The following NGEF variants were observed in gnomAD, a reference collection of about 807,000 sequenced individuals.
NGEF encodes neuronal guanine nucleotide exchange factor, also known as ephexin-1.
A neutral mutation model predicts 80.9 loss-of-function variants in NGEF; 31 were observed. The ratio of observed to expected loss-of-function variants is 0.38; its 90% CI spans 0.29 to 0.52. The LOEUF (loss-of-function observed/expected upper bound fraction) is 0.52, where lower values mean the gene tolerates loss of function less well. Ranked by LOEUF, NGEF falls within the 20% of genes least tolerant of loss-of-function variation. The pLI, the probability that NGEF is intolerant of heterozygous loss-of-function variation, is 0.84. For missense variants in NGEF, 709 were observed against 926.2 expected (o/e 0.77, Z 3.04); for synonymous variants, 371 against 370.2 (o/e 1.00, Z -0.03).
chr2:232,981,338 G>A (rs1049041950), intron 1 of NGEF, among the ~76,000 whole-genome samples: 1 of 151,426 alleles, frequency 6.6e-6, no homozygotes, highest in Non-Finnish European at 1.5e-5. Context: ...GCCCTTTCCC[G>A]AAAAGACCCC....
chr2:232,891,609 T>C (rs1559194402), intron 7 of NGEF, 122 bp from the exon 8 acceptor site: 5 of 1,139,952 alleles, frequency 4.4e-6, no homozygotes, highest in Non-Finnish European at 6.1e-6. Context: ...AACATGTTGA[T>C]TTCTTTCTTT....
chr2:232,928,077 C>T (rs1270925659), intron 3 of NGEF: 17 of 1,127,986 alleles, frequency 1.5e-5, no homozygotes, highest in East Asian at 4.6e-5. Flanking sequence ...GGGCGACTAG[C>T]GGGCTGCGGA....
At position 232,888,242 on chromosome 2, in the gene NGEF, G is replaced by A. The variant is rs535933415; in HGVS notation, c.1273-135C>T. 1.8e-4 allele frequency: 114 copies of A among 622,858 alleles called. 2 individuals are homozygous for A. The highest frequency in any genetic ancestry group is 1.2e-3 in the South Asian group (64 of 52,178). 38.6% of individuals were successfully genotyped at this position (622,858 alleles called of 1,614,324 possible). ...AGCATGCACACACACACACACGCAC[G>A]CACGCACACGCATACATGCATGCAC... On this transcript the variant is annotated intron_variant, in intron 8 of 14. Transcript: ENST00000264051.
At chr2:232,992,270 C>A (rs79777521) in intron 1 of NGEF, among the ~76,000 whole-genome samples, 1 of 152,098 alleles carries the variant, frequency 6.6e-6, no homozygotes, top group African/African-American at 2.4e-5. Context: ...CAAGAAAATT[C>A]TTGGCTGGGC....
intron 12 of NGEF, 90 bp downstream of exon 12, chr2:232,883,221 T>G (rs548543516): frequency 6.9e-7 from 1 of 1,455,118 alleles, no homozygotes; most frequent in African/African-American, 1.4e-5. Context: ...GTGTGGTGCC[T>G]TGTTCCACCT....
At chr2:232,916,201 C>A (rs112749181) in intron 5 of NGEF, among the ~76,000 whole-genome samples, 400 of 152,350 alleles carry the variant, frequency 2.6e-3, no homozygotes, top group African/African-American at 9.0e-3. Context: ...TGAGAGGGCA[C>A]ATAAGCCCTT....
chr2:232,907,482 G>C (rs186831591), intron 5 of NGEF, among the ~76,000 whole-genome samples: 1 of 152,046 alleles, frequency 6.6e-6, no homozygotes. Flanking sequence ...GTTTTGTGTC[G>C]GTTACCAGAT....
At chr2:232,881,006 AG>A (rs1485295978) in intron 14 of NGEF, 139 bp downstream of exon 14, 1 of 679,168 alleles carries the variant, frequency 1.5e-6, no homozygotes, top group African/African-American at 1.8e-5. Context: ...GCAGTGTCCA[AG>A]CAGAATGTCT....
chr2:232,898,972 A>G (rs1412248000), intron 5 of NGEF, among the ~76,000 whole-genome samples: 7 of 148,900 alleles, frequency 4.7e-5, no homozygotes, highest in African/African-American at 7.7e-5. Flanking sequence ...GTGTGAATGC[A>G]TGTGTGTGTG....
intron 3 of NGEF, among the ~76,000 whole-genome samples, chr2:232,964,927 A>G (rs934357157): frequency 6.6e-6 from 1 of 152,178 alleles, no homozygotes; most frequent in African/African-American, 2.4e-5. Flanking sequence ...GGGGCAATGG[A>G]AATGTTCTAT....
At chr2:232,905,351 G>T (rs1171944730) in intron 5 of NGEF, among the ~76,000 whole-genome samples, 1 of 152,236 alleles carries the variant, frequency 6.6e-6, no homozygotes, top group East Asian at 1.9e-4. Context: ...TGATCCGCCA[G>T]CCTCGGCCTC....
At chr2:232,896,898 G>A (rs1692107032) in intron 5 of NGEF, among the ~76,000 whole-genome samples, 2 of 126,966 alleles carry the variant, frequency 1.6e-5, no homozygotes, top group East Asian at 4.9e-4. Context: ...GTGTGAGGGT[G>A]GGGGTAAGGG....
chr2:232,879,478 C>T lies in NGEF; in HGVS notation c.*11G>A. 8 of 1,601,262 alleles carry T rather than the reference C, an allele frequency of 5.0e-6. No homozygotes were observed. The highest frequency in any genetic ancestry group is 6.8e-6 in the Non-Finnish European group (8 of 1,170,334). ...TGCAGGCCCTGCTCCCGCTGGCCCCCTGGGTGGGGGTCATTGCCGATTCCG... is the reference window on the plus strand; with the variant it reads ...TGCAGGCCCTGCTCCCGCTGGCCCCTTGGGTGGGGGTCATTGCCGATTCCG... On this transcript the variant is annotated 3_prime_UTR_variant, in exon 15 of 15. Coordinates refer to ENST00000264051, the MANE Select transcript of NGEF (RefSeq NM_019850.3).
rs1691879513 is a variant in NGEF, at chr2:232,891,364, C to A, written c.1266G>T (p.Leu422Phe). The change falls in exon 8 of 15, where the codon TTG becomes TTT. Residue 422 changes from leucine to phenylalanine, a missense_variant. Physicochemically the swap from Leu to Phe is conservative, Grantham distance 22. Transcript: ENST00000264051. ...PFQRITRLKL[L>F]VQNILKRVEE... ...CAGGTGGAGGAGGCTGTACCTGGACCAACAGCTTGAGGCGTGTGATCCTCT... is the reference window on the plus strand; with the variant it reads ...CAGGTGGAGGAGGCTGTACCTGGACAAACAGCTTGAGGCGTGTGATCCTCT... The A allele has an allele frequency of 6.2e-7, 1 of 1,613,390 alleles. No homozygotes were observed. Among genetic ancestry groups the A allele is most frequent in the African/African-American group, 1.3e-5 (1 of 74,938 alleles).
At chr2:232,891,950 C>A (rs1441873086) in intron 7 of NGEF, among the ~76,000 whole-genome samples, 1 of 151,878 alleles carries the variant, frequency 6.6e-6, no homozygotes, top group Non-Finnish European at 1.5e-5. Context: ...GAGCTCGGCC[C>A]CATGCATGTC....
intron 10 of NGEF, among the ~76,000 whole-genome samples, chr2:232,884,431 T>TA (rs1691610893): frequency 1.3e-5 from 2 of 152,158 alleles, no homozygotes; most frequent in Admixed American, 6.5e-5. Context: ...CATGTGAGCT[T>TA]AAAGTTATGT....
chr2:232,920,152 T>C, intron 5 of NGEF, 132 bp downstream of exon 5: 1 of 827,718 alleles, frequency 1.2e-6, no homozygotes, highest in Non-Finnish European at 1.9e-6. Context: ...ATGTTCTAGA[T>C]GGACAACCCT....
intron 3 of NGEF, 152 bp downstream of exon 3, chr2:232,970,062 T>G (rs1024298447): frequency 3.7e-5 from 15 of 408,068 alleles, no homozygotes; most frequent in Non-Finnish European, 5.6e-5. Context: ...AATTATGGAG[T>G]TTTTATTTAT....
At chr2:232,901,860 G>T (rs1418992246) in intron 5 of NGEF, among the ~76,000 whole-genome samples, 1 of 152,236 alleles carries the variant, frequency 6.6e-6, no homozygotes. Context: ...ACGTCGCCGT[G>T]ACACCTCAGC....
Sources: gnomAD v4.1 joint callset for allele counts (sites outside exome capture counted in the v4.1 genomes callset) on GRCh38, gnomAD v4.1.1 for gene constraint, MANE v1.5 for transcripts, NCBI Gene and HGNC (gene_info 2026-07-23, HGNC 2026-07-21) for gene names.